The following N4BP1 variants were observed in gnomAD, a reference collection of about 807,000 sequenced individuals.
N4BP1 encodes the protein NEDD4-binding protein 1.
In N4BP1, 21 loss-of-function variants were observed where a neutral mutation model predicts 70.9. The ratio of observed to expected loss-of-function variants is 0.30; its 90% confidence interval spans 0.21 to 0.43. The LOEUF is 0.43. Ranked by LOEUF, N4BP1 falls within the 20% of genes least tolerant of loss-of-function variation. The pLI is 1.00. For missense variants in N4BP1, 936 were observed against 1,069.4 expected, an observed-to-expected ratio of 0.88 and a Z score of 1.74; for synonymous variants, 387 against 394.6, an observed-to-expected ratio of 0.98 and a Z score of 0.23.
rs889147671 is a variant in N4BP1, at chr16:48,538,956, A to C, written c.*3948T>G. On this transcript the variant is annotated 3_prime_UTR_variant, in exon 7 of 7. Transcript: ENST00000262384. ...AACATCATGGGGATGCTTCTGGCAG[A>C]AGCACTGGAAAGGAGACGAGGACTC... The C allele has an allele frequency of 7.2e-5, 11 of 152,318 alleles. No homozygotes were observed. Among genetic ancestry groups the C allele is most frequent in the Non-Finnish European group, 1.5e-4 (10 of 68,132 alleles). The allele number at this position is 152,318 out of a possible 1,614,324, so 9.4% of individuals were successfully genotyped here.
Position 48,543,234 on chromosome 16 carries a change from C to T in N4BP1, c.2361G>A (p.Leu787=). 1 of 1,546,806 alleles carries T rather than the reference C, an allele frequency of 6.5e-7. No individual in the cohort carries two copies. Among genetic ancestry groups the T allele is most frequent in the Non-Finnish European group, 8.7e-7 (1 of 1,145,314 alleles). The change falls in exon 7 of 7, where the codon CTG becomes CTA. Residue 787 remains leucine, a synonymous_variant. Transcript: ENST00000262384. The stretch of plus-strand genomic sequence containing the variant: ...TGGGGTCAAACATGCCCACATTTGG[C>T]AGGGCACTGAGTAGGGGCTGCATAT... ...LRDMQPLLSA[L]PNVGMFDPSF...
chr16:48,581,548 T>C lies in N4BP1; in HGVS notation c.199-19104A>G, dbSNP rs548434328. Among the ~76,000 whole-genome samples the C allele has an allele frequency of 3.3e-5, 5 of 152,308 alleles. No homozygotes were observed. The South Asian group carries it at 8.3e-4, about 25-fold the overall frequency. ...CCCAGAATTATTGAATTCCATAAAG[T>C]TGCAGAATACAAAATCAACACAAAA... On this transcript the variant is annotated intron_variant, in intron 1 of 6. Coordinates refer to ENST00000262384, the MANE Select transcript of N4BP1 (RefSeq NM_153029.4).
intron 1 of N4BP1, among the ~76,000 whole-genome samples, chr16:48,566,538 G>T (rs1963946308): frequency 6.6e-6 from 1 of 152,090 alleles, no homozygotes; most frequent in South Asian, 2.1e-4. Context: ...CCTTCTGTTG[G>T]TGATTTTTAG....
chr16:48,581,263 C>T (rs1334374738), intron 1 of N4BP1, among the ~76,000 whole-genome samples: 2 of 148,488 alleles, frequency 1.3e-5, no homozygotes, highest in Non-Finnish European at 3.0e-5. Flanking sequence ...AAAAAAAAAT[C>T]CCAACACTTC....
chr16:48,542,929 G>A lies in N4BP1; in HGVS notation c.2666C>T (p.Ala889Val), dbSNP rs779663403. 5 of 1,610,028 alleles carry A rather than the reference G, an allele frequency of 3.1e-6. No individual in the cohort carries two copies. Among genetic ancestry groups the A allele is most frequent in the East Asian group, 4.5e-5 (2 of 44,760 alleles). ...TCAATCCAACACCATGGCAGAAAGC[G>A]CATTTAGATCTTTCATGTATGGGTG... ...VAHPYMKDLN[A>V]LSAMVLD The change falls in exon 7 of 7, where the codon GCG (alanine) becomes GTG (valine). Residue 889 changes from alanine (A) to valine (V), a missense_variant. This residue lies in a region of N4BP1 where 229 missense variants were observed against 343.5 expected (regional missense o/e 0.67). Transcript: ENST00000262384.
At chr16:48,578,846 T>C (rs1964136323) in intron 1 of N4BP1, among the ~76,000 whole-genome samples, 2 of 152,234 alleles carry the variant, frequency 1.3e-5, no homozygotes, top group African/African-American at 2.4e-5. Flanking sequence ...TATTAATCTC[T>C]GCTTTCTATA....
chr16:48,560,982 G>C lies in N4BP1; in HGVS notation c.1661C>G (p.Ser554Cys), dbSNP rs374064585. 3 of 1,613,900 alleles carry C rather than the reference G, an allele frequency of 1.9e-6. No homozygotes were observed. Among genetic ancestry groups the C allele is most frequent in the African/African-American group, 1.3e-5 (1 of 74,922 alleles). ...KRLGCCSSPH[S>C]KPNCSTLSPP... ...AGAAAGGGTTGAGCAATTTGGCTTAGAATGAGGAGAACTACAACATCCTAA... is the reference window on the plus strand; with the variant it reads ...AGAAAGGGTTGAGCAATTTGGCTTACAATGAGGAGAACTACAACATCCTAA... The change falls in exon 2 of 7, where the codon TCT becomes TGT. Residue 554 changes from serine (S) to cysteine (C), a missense_variant. Physicochemically the swap from Ser to Cys is moderately radical, Grantham distance 112. This residue lies in a region of N4BP1 where 515 missense variants were observed against 491.7 expected (regional missense o/e 1.05). Coordinates refer to ENST00000262384, the MANE Select transcript of N4BP1 (RefSeq NM_153029.4).
At chr16:48,604,619 A>C (rs1405545293) in intron 1 of N4BP1, among the ~76,000 whole-genome samples, 3 of 146,118 alleles carry the variant, frequency 2.1e-5, no homozygotes, top group African/African-American at 8.3e-5. Flanking sequence ...AAAAACAAAA[A>C]CAAAAACTAA....
At position 48,584,023 on chromosome 16, in the gene N4BP1, A is replaced by G. The variant is rs141900199; in HGVS notation, c.199-21579T>C. ...TCTGATAATGTGTTTTCGTTTGATG[A>G]TTCTTAGCCACATGTCCCTGTCCAC... On this transcript the variant is annotated intron_variant, in intron 1 of 6. Transcript: ENST00000262384. Among the ~76,000 whole-genome samples the G allele has an allele frequency of 2.3e-3, 353 of 152,278 alleles. 2 individuals carry two copies. Among genetic ancestry groups the G allele is most frequent in the African/African-American group, 8.2e-3 (340 of 41,558 alleles).
intron 1 of N4BP1, among the ~76,000 whole-genome samples, chr16:48,573,369 ATTGT>A (rs1964050570): frequency 1.3e-5 from 2 of 152,140 alleles, no homozygotes; most frequent in African/African-American, 4.8e-5. Context: ...AGGCAGGCGG[ATTGT>A]TTGAGGTCAG....
At position 48,585,185 on chromosome 16, in the gene N4BP1, A is replaced by G. The variant is rs1273419860; in HGVS notation, c.199-22741T>C. Among the ~76,000 whole-genome samples the G allele has an allele frequency of 4.0e-4, 61 of 152,108 alleles. 2 individuals are homozygous for G. The highest frequency in any genetic ancestry group is 3.9e-3 in the Admixed American group (59 of 15,274). On this transcript the variant is annotated intron_variant, in intron 1 of 6. Transcript: ENST00000262384. ...CTGACCTCATATGATCCACCCACTC[A>G]GCCTCCCAAAGTGCTAGGATTACAG...
chr16:48,570,512 A>C (rs1412173315), intron 1 of N4BP1, among the ~76,000 whole-genome samples: 2 of 151,928 alleles, frequency 1.3e-5, no homozygotes, highest in Non-Finnish European at 2.9e-5. Flanking sequence ...ATGCCCAGCT[A>C]ATGTTTTGTA....
chr16:48,558,029 T>C (rs527971282), intron 2 of N4BP1, among the ~76,000 whole-genome samples: 2 of 152,312 alleles, frequency 1.3e-5, no homozygotes, highest in South Asian at 4.1e-4. Context: ...TGGCATTTAC[T>C]ACGTTCGCAA....
chr16:48,563,936 A>G (rs1422148671), intron 1 of N4BP1, among the ~76,000 whole-genome samples: 1 of 152,226 alleles, frequency 6.6e-6, no homozygotes, highest in Non-Finnish European at 1.5e-5. Flanking sequence ...TAGCTATTTG[A>G]AACTATATAT....
chr16:48,557,941 T>G (rs559786908), intron 2 of N4BP1, among the ~76,000 whole-genome samples: 2 of 152,100 alleles, frequency 1.3e-5, no homozygotes, highest in Non-Finnish European at 2.9e-5. Flanking sequence ...AGCAACTGAT[T>G]TAAAATAAGG....
At chr16:48,562,494 G>A in intron 1 of N4BP1, 50 bp from the exon 2 acceptor site, 1 of 1,436,802 alleles carries the variant, frequency 7.0e-7, no homozygotes, top group Non-Finnish European at 9.3e-7. Flanking sequence ...GTTCCTTATA[G>A]CACATAATAA....
intron 1 of N4BP1, among the ~76,000 whole-genome samples, chr16:48,574,208 G>A (rs2151093403): frequency 6.6e-6 from 1 of 152,246 alleles, no homozygotes; most frequent in South Asian, 2.1e-4. Flanking sequence ...TTTAAACCAT[G>A]CGTATATATT....
At chr16:48,569,664 G>A (rs1445058174) in intron 1 of N4BP1, among the ~76,000 whole-genome samples, 2 of 152,124 alleles carry the variant, frequency 1.3e-5, no homozygotes, top group African/African-American at 2.4e-5. Flanking sequence ...TCAAAGTGCT[G>A]GGATTATAGG....
intron 1 of N4BP1, among the ~76,000 whole-genome samples, chr16:48,593,365 GA>G (rs1269575606): frequency 6.6e-6 from 1 of 152,236 alleles, no homozygotes; most frequent in African/African-American, 2.4e-5. Context: ...AAGGAAAGCA[GA>G]ATGTACTTTT....
Sources: allele counts gnomAD v4.1 joint callset (sites outside exome capture counted in the v4.1 genomes callset), GRCh38; gene constraint gnomAD v4.1.1; regional missense constraint gnomAD v4.1.1; transcripts MANE v1.5; gene names NCBI Gene and HGNC (gene_info 2026-07-23, HGNC 2026-07-21).